Variants in PRDM5 observed in about 807,000 individuals in gnomAD.
PRDM5 encodes PR domain zinc finger protein 5.
A neutral mutation model predicts 81.2 loss-of-function variants in PRDM5; 56 were observed. That is an observed-to-expected ratio of 0.69 (90% CI 0.56 to 0.86). PRDM5 has a LOEUF of 0.86. Among genes scored for constraint, PRDM5 ranks in the 40% least tolerant of loss-of-function variants. The pLI, the probability that PRDM5 is intolerant of heterozygous loss-of-function variation, is 0.00. For missense variants in PRDM5, 697 were observed against 770.1 expected (o/e 0.91, Z 1.12); for synonymous variants, 267 against 256.4 (o/e 1.04, Z -0.39).
intron 3 of PRDM5, among the ~76,000 whole-genome samples, chr4:120,841,708 T>C (rs1758052407): frequency 1.3e-5 from 2 of 152,148 alleles, no homozygotes; most frequent in South Asian, 2.1e-4. Flanking sequence ...ACTTCAAAAA[T>C]ACACACCACA....
At chr4:120,812,344 C>T (rs765914455) in intron 7 of PRDM5, among the ~76,000 whole-genome samples, 1 of 152,036 alleles carries the variant, frequency 6.6e-6, no homozygotes, top group Non-Finnish European at 1.5e-5. Flanking sequence ...TTTGAGTAAC[C>T]ACCATACCAT....
chr4:120,877,970 A>G (rs533074322), intron 2 of PRDM5, among the ~76,000 whole-genome samples: 2 of 152,354 alleles, frequency 1.3e-5, no homozygotes, highest in South Asian at 4.1e-4. Flanking sequence ...ATTATTAACA[A>G]AAAACTAACC....
intron 7 of PRDM5, among the ~76,000 whole-genome samples, chr4:120,811,826 C>T (rs1753879631): frequency 6.6e-6 from 1 of 151,938 alleles, no homozygotes; most frequent in African/African-American, 2.4e-5. Flanking sequence ...GTAATAATCA[C>T]ATCAGGGTAA....
At chr4:120,709,231 T>C (rs778173781) in intron 15 of PRDM5, among the ~76,000 whole-genome samples, 1 of 152,168 alleles carries the variant, frequency 6.6e-6, no homozygotes, top group East Asian at 1.9e-4. Flanking sequence ...AATTAAACCA[T>C]CTAAATAGGT....
intron 3 of PRDM5, chr4:120,838,342 G>A (rs1349648785): frequency 3.3e-5 from 5 of 152,102 alleles, no homozygotes; most frequent in Admixed American, 1.3e-4. Context: ...GGGGTACCTA[G>A]TGATGTTACA....
chr4:120,768,133 A>G (rs976598662), intron 13 of PRDM5, among the ~76,000 whole-genome samples: 1 of 152,208 alleles, frequency 6.6e-6, no homozygotes, highest in Non-Finnish European at 1.5e-5. Flanking sequence ...AAAGCATAAA[A>G]CTTTCACAGT....
chr4:120,888,569 T>G (rs1234199392), intron 2 of PRDM5, among the ~76,000 whole-genome samples: 1 of 152,224 alleles, frequency 6.6e-6, no homozygotes, highest in East Asian at 1.9e-4. Flanking sequence ...ATACTGCTGC[T>G]ATGTAGGTTC....
intron 14 of PRDM5, among the ~76,000 whole-genome samples, chr4:120,740,416 C>A (rs1741748673): frequency 6.6e-6 from 1 of 152,174 alleles, no homozygotes; most frequent in Non-Finnish European, 1.5e-5. Context: ...AGGCACTTAA[C>A]CCAGATAATT....
In PRDM5 at chr4:120,695,127, C is replaced by A. The variant is rs1245614679; in HGVS notation, c.1877G>T (p.Gly626Val). 1 of 1,612,952 alleles carries A rather than the reference C, an allele frequency of 6.2e-7. No individual in the cohort carries two copies. The change falls in exon 16 of 16, where the codon GGT becomes GTT. Residue 626 changes from glycine (G) to valine (V), a missense_variant. By Grantham distance (109) the Gly-to-Val change is moderately radical. Around this residue, in one of 3 missense-constraint regions of PRDM5, gnomAD observed 34 missense variants for 28.1 expected, o/e 1.21. Transcript: ENST00000264808. Reference protein sequence around the residue: ...YLKVHMDNIHGVADS With the variant: ...YLKVHMDNIHVVADS ...CAGCCCCTATTAGCTGTCAGCTACA[C>A]CATGGATATTGTCCATGTGCACTTT...
At chr4:120,879,436 C>A (rs1192999195) in intron 2 of PRDM5, among the ~76,000 whole-genome samples, 1 of 152,118 alleles carries the variant, frequency 6.6e-6, no homozygotes, top group Non-Finnish European at 1.5e-5. Context: ...CCTCTAAAAT[C>A]CCTGAGTTAA....
intron 3 of PRDM5, among the ~76,000 whole-genome samples, chr4:120,831,554 T>C (rs1214542835): frequency 6.6e-6 from 1 of 152,128 alleles, no homozygotes; most frequent in African/African-American, 2.4e-5. Flanking sequence ...ATTGAATGTT[T>C]TGAAAAGTCT....
At chr4:120,746,942 C>A (rs1743178175) in intron 14 of PRDM5, among the ~76,000 whole-genome samples, 1 of 150,804 alleles carries the variant, frequency 6.6e-6, no homozygotes, top group African/African-American at 2.5e-5. Context: ...GGGTATATAC[C>A]CAAAGGGCTA....
At chr4:120,687,800 G>A (rs977930124), downstream of PRDM5, among the ~76,000 whole-genome samples, 2 of 152,100 alleles carry the variant, frequency 1.3e-5, no homozygotes, top group South Asian at 2.1e-4. Context: ...AAAAGGATGA[G>A]TTCAATCCCC....
At chr4:120,861,752 C>T (rs929381574) in intron 2 of PRDM5, among the ~76,000 whole-genome samples, 2 of 151,000 alleles carry the variant, frequency 1.3e-5, no homozygotes, top group Admixed American at 1.3e-4. Context: ...GAGCCAAGAT[C>T]GTGCCACTGC....
intron 8 of PRDM5, among the ~76,000 whole-genome samples, chr4:120,802,696 C>T (rs1752311966): frequency 6.6e-6 from 1 of 152,148 alleles, no homozygotes; most frequent in Admixed American, 6.5e-5. Flanking sequence ...CACACCAAAA[C>T]CCCATCTGTA....
intron 14 of PRDM5, among the ~76,000 whole-genome samples, chr4:120,726,463 T>C (rs1055551695): frequency 6.6e-6 from 1 of 152,196 alleles, no homozygotes; most frequent in East Asian, 1.9e-4. Context: ...CAGAGAATGT[T>C]AACCTGTAAG....
At chr4:120,884,520 T>G (rs913027654) in intron 2 of PRDM5, among the ~76,000 whole-genome samples, 1 of 152,200 alleles carries the variant, frequency 6.6e-6, no homozygotes, top group Non-Finnish European at 1.5e-5. Flanking sequence ...ATAGAAATAA[T>G]GAAAGATACA....
chr4:120,787,824 C>A (rs12509912), intron 10 of PRDM5, among the ~76,000 whole-genome samples: 1 of 151,878 alleles, frequency 6.6e-6, no homozygotes, highest in Admixed American at 6.6e-5. Flanking sequence ...ATGTCTAGCA[C>A]TACAGGTACT....
intron 13 of PRDM5, among the ~76,000 whole-genome samples, chr4:120,776,824 A>G (rs865949191): frequency 6.6e-6 from 1 of 152,180 alleles, no homozygotes; most frequent in African/African-American, 2.4e-5. Flanking sequence ...AAAAGGCCAC[A>G]TTTGACATGG....
Sources: gnomAD v4.1 joint callset for allele counts (sites outside exome capture counted in the v4.1 genomes callset) on GRCh38, gnomAD v4.1.1 for gene constraint, gnomAD v4.1.1 regional missense constraint, MANE v1.5 for transcripts, NCBI Gene and HGNC (gene_info 2026-07-23, HGNC 2026-07-21) for gene names.